NEBL: variants seen among roughly 807,000 people sequenced by gnomAD.
NEBL encodes the protein nebulette.
A neutral mutation model predicts 140.2 loss-of-function variants in NEBL; 122 were observed. That is an observed-to-expected ratio of 0.87 (90% CI 0.75 to 1.01). NEBL has a LOEUF of 1.01. Ranked by LOEUF, NEBL falls within the 50% of genes least tolerant of loss-of-function variation. The pLI is 0.00. For synonymous variants in NEBL, 436 were observed against 398.9 expected (o/e 1.09, Z -1.11); for missense variants, 1,365 against 1,231.3 (o/e 1.11, Z -1.62).
chr10:21,013,310 T>C (rs1000350036), intron 3 of NEBL, among the ~76,000 whole-genome samples: 1 of 152,164 alleles, frequency 6.6e-6, no homozygotes, highest in Non-Finnish European at 1.5e-5. Flanking sequence ...AAAATAAACA[T>C]GCTGAAGCTT....
chr10:20,938,618 G>A (rs1469093214), intron 4 of NEBL, among the ~76,000 whole-genome samples: 1 of 152,124 alleles, frequency 6.6e-6, no homozygotes, highest in South Asian at 2.1e-4. Flanking sequence ...AGAGAAGAAG[G>A]CTTCAGACAA....
At position 20,831,270 on chromosome 10, in the gene NEBL, C is replaced by T. The variant is rs541364544; in HGVS notation, c.1597G>A (p.Gly533Arg). Residue 533 changes from glycine (G) to arginine (R), a missense_variant, in exon 16 of 28, where the codon GGG (glycine) becomes AGG (arginine). By Grantham distance (125) the Gly-to-Arg change is moderately radical. This residue lies in a region of NEBL where 1,323 missense variants were observed against 1,154.8 expected (regional missense o/e 1.15). Coordinates refer to ENST00000377122, the MANE Select transcript of NEBL (RefSeq NM_006393.3). Reference sequence around the variant, plus strand: ...TCCATGCTCACTTGCATTCCTTTCCCTTTAATTTCATTTTCTAAGTCCTTC... The same window carrying T: ...TCCATGCTCACTTGCATTCCTTTCCTTTTAATTTCATTTTCTAAGTCCTTC... ...YKKDLENEIK[G>R]KGMQVSMDIP... is the part of the protein sequence containing the mutation. 46 of 1,613,172 alleles carry T rather than the reference C, an allele frequency of 2.9e-5. No homozygotes were observed. In the South Asian group the frequency reaches 4.7e-4, roughly 17 times the overall value.
At chr10:21,287,445 A>G (rs1843072213) in intron 1 of NEBL, among the ~76,000 whole-genome samples, 1 of 152,128 alleles carries the variant, frequency 6.6e-6, no homozygotes, top group Non-Finnish European at 1.5e-5. Flanking sequence ...CTGAGGCAAA[A>G]GAATAGCCTA....
chr10:20,894,799 G>A (rs1426664506), intron 2 of NEBL, among the ~76,000 whole-genome samples: 3 of 150,476 alleles, frequency 2.0e-5, no homozygotes, highest in Non-Finnish European at 4.4e-5. Flanking sequence ...CTTAGTGGCA[G>A]GCGCCTGTGG....
At chr10:20,951,212 C>T (rs553572894) in intron 4 of NEBL, among the ~76,000 whole-genome samples, 7 of 152,240 alleles carry the variant, frequency 4.6e-5, no homozygotes, top group African/African-American at 1.4e-4. Flanking sequence ...TACTTCTTGT[C>T]CTTGGAACCA....
intron 1 of NEBL, among the ~76,000 whole-genome samples, chr10:21,257,899 C>CAA (rs1219730115): frequency 7.1e-6 from 1 of 140,028 alleles, no homozygotes; most frequent in Non-Finnish European, 1.5e-5. Flanking sequence ...ACACACACCC[C>CAA]AAAAAAAAAA....
chr10:21,060,769 C>T (rs997881480), intron 2 of NEBL, among the ~76,000 whole-genome samples: 7 of 152,026 alleles, frequency 4.6e-5, no homozygotes, highest in African/African-American at 1.7e-4. Context: ...TAAGCTGAAA[C>T]GACTCACTCC....
At chr10:21,104,745 A>C (rs1837632023) in intron 2 of NEBL, among the ~76,000 whole-genome samples, 1 of 152,192 alleles carries the variant, frequency 6.6e-6, no homozygotes, top group African/African-American at 2.4e-5. Context: ...TGCACTGATA[A>C]GAACTTCCAG....
chr10:20,787,066 T>C (rs1835475068), intron 27 of NEBL, 136 bp downstream of exon 27: 5 of 824,330 alleles, frequency 6.1e-6, no homozygotes, highest in Admixed American at 4.0e-5. Context: ...AAGAGTTGTA[T>C]AAATGGCAAC....
chr10:20,929,809 A>G (rs1217855906), intron 4 of NEBL, among the ~76,000 whole-genome samples: 2 of 152,172 alleles, frequency 1.3e-5, no homozygotes, highest in Non-Finnish European at 2.9e-5. Context: ...GGGTATACTA[A>G]TGAGTACAGT....
chr10:21,071,268 G>A (rs941933245), intron 2 of NEBL, among the ~76,000 whole-genome samples: 21 of 150,366 alleles, frequency 1.4e-4, no homozygotes, highest in African/African-American at 5.1e-4. Context: ...ATGGTGGAAG[G>A]TCCCTGAAAA....
At chr10:21,177,381 T>C (rs1841317816), upstream of NEBL, among the ~76,000 whole-genome samples, 1 of 152,186 alleles carries the variant, frequency 6.6e-6, no homozygotes, top group Non-Finnish European at 1.5e-5. Context: ...ATAATTGTTA[T>C]AAGTCACTGA....
chr10:21,026,333 G>GC (rs5783761), intron 2 of NEBL, among the ~76,000 whole-genome samples: 128,686 of 152,130 alleles, frequency 0.85, 56,308 homozygotes, highest in East Asian at 0.99. Context: ...ACACTGTACA[G>GC]CCCCTCCCTG....
chr10:21,017,970 G>A (rs972150896), intron 3 of NEBL, among the ~76,000 whole-genome samples: 53 of 152,072 alleles, frequency 3.5e-4, no homozygotes, highest in African/African-American at 1.0e-3. Flanking sequence ...ACAGGCATCC[G>A]CCACCACTCC....
chr10:20,786,977 G>A (rs1479031203), intron 27 of NEBL, among the ~76,000 whole-genome samples: 2 of 152,078 alleles, frequency 1.3e-5, no homozygotes, highest in African/African-American at 4.8e-5. Flanking sequence ...TTCTTTGTAT[G>A]TTTTATTGTT....
intron 4 of NEBL, among the ~76,000 whole-genome samples, chr10:20,945,768 A>G (rs1022971825): frequency 1.3e-5 from 2 of 152,222 alleles, no homozygotes; most frequent in Non-Finnish European, 2.9e-5. Flanking sequence ...AGGGCTCCAG[A>G]TATAACATAT....
intron 4 of NEBL, among the ~76,000 whole-genome samples, chr10:20,919,866 C>T (rs1401456216): frequency 6.6e-6 from 1 of 151,916 alleles, no homozygotes; most frequent in Admixed American, 6.6e-5. Flanking sequence ...AAAATGTACA[C>T]AGAAAAAGAA....
At chr10:21,266,894 A>C (rs1314633573) in intron 1 of NEBL, among the ~76,000 whole-genome samples, 1 of 152,128 alleles carries the variant, frequency 6.6e-6, no homozygotes, top group Non-Finnish European at 1.5e-5. Flanking sequence ...TTGCTGCCTC[A>C]GCCTCCAGAG....
intron 2 of NEBL, among the ~76,000 whole-genome samples, chr10:21,059,523 A>T (rs1015137749): frequency 2.0e-5 from 3 of 152,256 alleles, no homozygotes; most frequent in Non-Finnish European, 4.4e-5. Flanking sequence ...TGACCTCTTG[A>T]ATATACAACG....
Sources: gnomAD v4.1 joint callset for allele counts (sites outside exome capture counted in the v4.1 genomes callset) on GRCh38, gnomAD v4.1.1 for gene constraint, gnomAD v4.1.1 regional missense constraint, MANE v1.5 for transcripts, NCBI Gene and HGNC (gene_info 2026-07-23, HGNC 2026-07-21) for gene names.